The following ZNF106 variants were observed in gnomAD, a reference collection of about 807,000 sequenced individuals.
ZNF106 encodes the protein SH3-domain binding protein 3.
A neutral mutation model predicts 195.1 loss-of-function variants in ZNF106; 67 were observed. The observed-to-expected ratio is 0.34, with a 90% CI of 0.28 to 0.42. The LOEUF is 0.42. Ranked by LOEUF, ZNF106 falls within the 10% of genes least tolerant of loss-of-function variation. The pLI is 1.00. For missense variants in ZNF106, 2,118 were observed against 2,304.5 expected (o/e 0.92, Z 1.66); for synonymous variants, 784 against 818.6 (o/e 0.96, Z 0.72).
intron 1 of ZNF106, among the ~76,000 whole-genome samples, chr15:42,476,869 T>C (rs1196923841): frequency 6.6e-6 from 1 of 152,162 alleles, no homozygotes; most frequent in African/African-American, 2.4e-5. Context: ...TTAATAATAA[T>C]ATCTTTTCTC....
chr15:42,447,966 A>AGAAT (rs1386851098), intron 6 of ZNF106, 106 bp downstream of exon 6: 44 of 1,287,290 alleles, frequency 3.4e-5, no homozygotes, highest in Non-Finnish European at 4.4e-5. Flanking sequence ...AGAAGTTGAG[A>AGAAT]GAATCACAAT....
chr15:42,450,281 G>A lies in ZNF106; in HGVS notation c.1991C>T (p.Ser664Phe), dbSNP rs1031266809. Residue 664 changes from serine to phenylalanine, a missense_variant, in exon 5 of 22, where the codon TCC becomes TTC. By Grantham distance (155) the Ser-to-Phe change is radical (BLOSUM62 -2). Transcript: ENST00000564754. ...ILKTSRELST[S>F]PCNPIVRQKE... ...CTGGCGAACTATGGGATTACATGGGGAAGTGGATAGCTCTCTAGAAGTCTT... is the reference window on the plus strand; with the variant it reads ...CTGGCGAACTATGGGATTACATGGGAAAGTGGATAGCTCTCTAGAAGTCTT... 29 of 1,614,052 alleles carry A rather than the reference G, an allele frequency of 1.8e-5. No homozygotes were observed. The highest frequency in any genetic ancestry group is 2.4e-5 in the Non-Finnish European group (28 of 1,180,034).
At chr15:42,462,508 G>C (rs1270175568) in intron 3 of ZNF106, among the ~76,000 whole-genome samples, 4 of 152,156 alleles carry the variant, frequency 2.6e-5, no homozygotes, top group Non-Finnish European at 4.4e-5. Context: ...TCAGGCAGGA[G>C]AATCGCTTGA....
intron 2 of ZNF106, among the ~76,000 whole-genome samples, chr15:42,470,455 T>TA (rs1461696681): frequency 3.3e-5 from 5 of 150,452 alleles, no homozygotes; most frequent in East Asian, 1.9e-4. Context: ...TCCCTTGCTT[T>TA]AAAAAAAAAT....
At chr15:42,419,818 C>T (rs555783622) in intron 20 of ZNF106, among the ~76,000 whole-genome samples, 56 of 152,106 alleles carry the variant, frequency 3.7e-4, no homozygotes, top group African/African-American at 1.2e-3. Flanking sequence ...GGTGTGGTGG[C>T]GGGCGCCTGT....
In ZNF106 at chr15:42,444,261, A is replaced by G; in HGVS notation, c.3362T>C (p.Ile1121Thr). The change falls in exon 9 of 22, where the codon ATA (isoleucine) becomes ACA (threonine). Residue 1121 changes from isoleucine (I) to threonine (T), a missense_variant and splice_region_variant. Transcript: ENST00000564754. The stretch of plus-strand genomic sequence containing the variant: ...CCTCAGTGCACTCATCTCCATAGTT[A>G]TCTAAAAATAAAGTATTTTATTAAG... The part of the protein sequence containing the change: ...VQRLLMLKQQ[I>T]TMEMSALRTH... 1 of 1,605,912 alleles carries G rather than the reference A, an allele frequency of 6.2e-7. No individual in the cohort carries two copies. Among genetic ancestry groups the G allele is most frequent in the African/African-American group, 1.3e-5 (1 of 74,790 alleles).
chr15:42,482,005 T>C (rs2056909345), intron 1 of ZNF106, among the ~76,000 whole-genome samples: 1 of 152,198 alleles, frequency 6.6e-6, no homozygotes, highest in African/African-American at 2.4e-5. Flanking sequence ...CCCAGGTCAC[T>C]GAGGATGTAT....
chr15:42,438,586 C>T (rs1252006785), intron 12 of ZNF106, 26 bp downstream of exon 12: 4 of 1,599,614 alleles, frequency 2.5e-6, no homozygotes, highest in East Asian at 2.2e-5. Flanking sequence ...CTGTGGTTAA[C>T]TTAAATAAAA....
chr15:42,481,298 T>C lies in ZNF106; in HGVS notation c.-32-8977A>G, dbSNP rs187538406. On this transcript the variant is annotated intron_variant, in intron 1 of 21. Coordinates refer to ENST00000564754, the MANE Select transcript of ZNF106 (RefSeq NM_001366845.3). The stretch of plus-strand genomic sequence containing the variant: ...AGCATTTCTTATAGTGCAGATCTAC[T>C]AGCAATGAATTATCTGACAATGTCT... 2.3e-4 allele frequency among the ~76,000 whole-genome samples: 35 copies of C among 151,902 alleles called. No individual in the cohort carries two copies. In the East Asian group the frequency reaches 6.6e-3, roughly 29 times the overall value.
At chr15:42,467,680 C>T (rs914881790) in intron 2 of ZNF106, among the ~76,000 whole-genome samples, 6 of 151,488 alleles carry the variant, frequency 4.0e-5, no homozygotes, top group Non-Finnish European at 8.8e-5. Context: ...TGGTGGTGAA[C>T]GCCTGTAATC....
At chr15:42,469,552 A>T (rs2056614917) in intron 2 of ZNF106, among the ~76,000 whole-genome samples, 1 of 152,126 alleles carries the variant, frequency 6.6e-6, no homozygotes, top group South Asian at 2.1e-4. Context: ...ATTAGAAAAA[A>T]TTCAGCCAGA....
intron 3 of ZNF106, among the ~76,000 whole-genome samples, chr15:42,462,623 C>T (rs2412715): frequency 0.37 from 55,608 of 151,958 alleles, 12,814 homozygotes; most frequent in African/African-American, 0.65. Flanking sequence ...TAAATAAGTA[C>T]GTAAATACAT....
Position 42,448,575 on chromosome 15 carries a change from C to T in ZNF106, c.2632G>A (p.Ala878Thr). 2 of 1,614,104 alleles carry T rather than the reference C, an allele frequency of 1.2e-6. No individual in the cohort carries two copies. The highest frequency in any genetic ancestry group is 1.1e-5 in the South Asian group (1 of 91,076). The change falls in exon 6 of 22, where the codon GCA (alanine) becomes ACA (threonine). Residue 878 changes from alanine (A) to threonine (T), a missense_variant. Physicochemically the swap from Ala to Thr is moderately conservative, Grantham distance 58 (BLOSUM62 0). Transcript: ENST00000564754. ...GVSISSSPGL[A>T]RKRSLSESSV... ...CTCTCAGAAAGGCTTCGCTTTCTTG[C>T]CAAGCCAGGGGACGAGGAAATGGAA...
rs538988396 is a variant in ZNF106, at chr15:42,414,218, T to C, written c.*3086A>G. The stretch of plus-strand genomic sequence containing the variant: ...AGCTCTTCTCTGAGGGGAAACAGGG[T>C]TATAATCAGTCACAACATTGTGGAA... On this transcript the variant is annotated 3_prime_UTR_variant, in exon 22 of 22. Coordinates refer to ENST00000564754, the MANE Select transcript of ZNF106 (RefSeq NM_001366845.3). 6.6e-6 allele frequency: 1 copy of C among 152,268 alleles called. No individual in the cohort carries two copies. Among genetic ancestry groups the C allele is most frequent in the Admixed American group, 6.5e-5 (1 of 15,296 alleles). 9.4% of individuals were successfully genotyped at this position (152,268 alleles called of 1,614,324 possible). A position where few individuals can be genotyped will look rare whatever the true frequency, so the allele number is the denominator to read the frequency against.
In ZNF106 at chr15:42,439,734, A is replaced by G. The variant is rs140992695; in HGVS notation, c.3843T>C (p.His1281=). Residue 1281 remains histidine, a synonymous_variant, in exon 11 of 22, where the codon CAT becomes CAC. Coordinates refer to ENST00000564754, the MANE Select transcript of ZNF106 (RefSeq NM_001366845.3). ...LSLPESTESF[H]EPSQELKFSV... is the part of the protein sequence containing the mutation. ...AAAACTTCAGTTCTTGGCTAGGCTC[A>G]TGGAAACTTTCTGTTGACTCTGGTA... 79 of 1,612,326 alleles carry G rather than the reference A, an allele frequency of 4.9e-5. No individual in the cohort carries two copies. The Middle Eastern group carries it at 8.2e-4, about 17-fold the overall frequency.
chr15:42,441,083 T>A (rs1383420838), intron 10 of ZNF106, among the ~76,000 whole-genome samples: 5 of 119,354 alleles, frequency 4.2e-5, no homozygotes, highest in African/African-American at 1.5e-4. Flanking sequence ...ACCTGTAATC[T>A]GAGCACTTTG....
rs558354379 is a variant in ZNF106 at position 42,441,353 on chromosome 15, T to C, written c.3763+720A>G. On this transcript the variant is annotated intron_variant, in intron 10 of 21. Coordinates refer to ENST00000564754, the MANE Select transcript of ZNF106 (RefSeq NM_001366845.3). ...GTGAGACTCTGTCTCAATAAATAAATAAGCTATATATTTGATACTAACATC... is the reference window on the plus strand; with the variant it reads ...GTGAGACTCTGTCTCAATAAATAAACAAGCTATATATTTGATACTAACATC... 1.1e-3 allele frequency among the ~76,000 whole-genome samples: 163 copies of C among 151,584 alleles called. 4 individuals are homozygous for C. In the South Asian group the frequency reaches 0.033, roughly 31 times the overall value.
Position 42,439,791 on chromosome 15 carries a change from TGG to T in ZNF106, c.3784_3785del (p.Pro1262SerfsTer8). ...EANREISDSCPVYPVITARLS... is the reference protein window; with the variant it reads ...EANREISDSCXVYPVITARLS... ...ATCTAGCAGTGATGACTGGATAAAC[TGG>T]ACAACTGTCACTGATCTCTCCTGAA... On this transcript the variant is annotated frameshift_variant, in exon 11 of 22. Transcript: ENST00000564754. LOFTEE classifies it high-confidence loss of function. 1 of 1,565,186 alleles carries T rather than the reference TGG, an allele frequency of 6.4e-7. No individual in the cohort carries two copies. Among genetic ancestry groups the T allele is most frequent in the South Asian group, 1.2e-5 (1 of 82,666 alleles).
At chr15:42,435,189 G>GGA (rs992772738) in intron 14 of ZNF106, among the ~76,000 whole-genome samples, 195 bp downstream of exon 14, 2 of 152,136 alleles carry the variant, frequency 1.3e-5, no homozygotes. Context: ...AAATACTGGT[G>GGA]GAGAGAGACA....
Sources: allele counts gnomAD v4.1 joint callset (sites outside exome capture counted in the v4.1 genomes callset), GRCh38; gene constraint gnomAD v4.1.1; transcripts MANE v1.5; gene names NCBI Gene and HGNC (gene_info 2026-07-23, HGNC 2026-07-21).